RSBN1: variants seen among roughly 807,000 people sequenced by gnomAD.
The protein encoded by RSBN1 is lysine-specific demethylase 9.
Under a neutral mutation model 74.8 loss-of-function variants are expected in RSBN1, and 23 were observed. The ratio of observed to expected loss-of-function variants is 0.31; its 90% CI spans 0.22 to 0.44. The LOEUF (loss-of-function observed/expected upper bound fraction) is 0.44. Ranked by LOEUF, RSBN1 falls within the 20% of genes least tolerant of loss-of-function variation. The pLI is 1.00. For synonymous variants in RSBN1, 407 were observed against 379.6 expected, an observed-to-expected ratio of 1.07 and a Z score of -0.84; for missense variants, 808 against 1,020.9, an observed-to-expected ratio of 0.79 and a Z score of 2.84.
intron 4 of RSBN1, among the ~76,000 whole-genome samples, chr1:113,769,693 C>T (rs888904241): frequency 2.0e-5 from 3 of 152,102 alleles, no homozygotes; most frequent in African/African-American, 7.2e-5. Context: ...GTACCTGAGA[C>T]TAATAAAACT....
At chr1:113,785,387 T>C (rs1660220993) in intron 2 of RSBN1, among the ~76,000 whole-genome samples, 1 of 152,200 alleles carries the variant, frequency 6.6e-6, no homozygotes, top group African/African-American at 2.4e-5. Context: ...AGTAGAAGTA[T>C]GTTCTAAAAT....
chr1:113,780,877 T>C (rs921696616), intron 2 of RSBN1, among the ~76,000 whole-genome samples: 1 of 152,234 alleles, frequency 6.6e-6, no homozygotes, highest in Non-Finnish European at 1.5e-5. Context: ...AAAGCCCTTA[T>C]TAGTAAACCA....
chr1:113,787,319 C>T (rs1282682396), intron 2 of RSBN1, among the ~76,000 whole-genome samples: 1 of 151,976 alleles, frequency 6.6e-6, no homozygotes, highest in African/African-American at 2.4e-5. Context: ...GGCTAAAATC[C>T]CAGATAGTCA....
chr1:113,783,041 C>G (rs1221071419), intron 2 of RSBN1, among the ~76,000 whole-genome samples: 1 of 152,106 alleles, frequency 6.6e-6, no homozygotes, highest in East Asian at 1.9e-4. Context: ...GGCCACAGGG[C>G]AGAAAATACT....
intron 2 of RSBN1, among the ~76,000 whole-genome samples, chr1:113,788,373 T>G (rs1045825936): frequency 6.6e-5 from 10 of 152,166 alleles, no homozygotes; most frequent in Non-Finnish European, 1.3e-4. Flanking sequence ...AGGGTTCAAC[T>G]GCACTGATGA....
chr1:113,807,268 C>T (rs1175219142), intron 1 of RSBN1, among the ~76,000 whole-genome samples: 1 of 147,956 alleles, frequency 6.8e-6, no homozygotes, highest in Non-Finnish European at 1.5e-5. Flanking sequence ...GAGCCAGGAT[C>T]GTGCTACTAC....
At chr1:113,806,994 C>T (rs1660713593) in intron 1 of RSBN1, among the ~76,000 whole-genome samples, 1 of 151,838 alleles carries the variant, frequency 6.6e-6, no homozygotes, top group Non-Finnish European at 1.5e-5. Context: ...GCCTGGGTAA[C>T]TGAGTGAGAC....
chr1:113,776,708 A>G (rs1660036867), intron 4 of RSBN1, among the ~76,000 whole-genome samples: 2 of 151,664 alleles, frequency 1.3e-5, no homozygotes, highest in Admixed American at 1.3e-4. Flanking sequence ...CTATAGCCAC[A>G]GTTACTTGGG....
intron 1 of RSBN1, among the ~76,000 whole-genome samples, chr1:113,799,673 A>T (rs1486174334): frequency 6.6e-6 from 1 of 152,014 alleles, no homozygotes; most frequent in African/African-American, 2.4e-5. Context: ...TGGTGGTAGA[A>T]TTCTAAATGT....
intron 1 of RSBN1, among the ~76,000 whole-genome samples, chr1:113,808,544 G>A (rs1255531364): frequency 6.6e-6 from 1 of 152,138 alleles, no homozygotes; most frequent in Non-Finnish European, 1.5e-5. Context: ...TTTCATAGAA[G>A]CTCTATCTAT....
chr1:113,773,312 G>T (rs2101794889), intron 4 of RSBN1, among the ~76,000 whole-genome samples: 1 of 152,120 alleles, frequency 6.6e-6, no homozygotes, highest in East Asian at 2.0e-4. Flanking sequence ...ATCCCTTGAG[G>T]CCAGGTGTTT....
At position 113,811,758 on chromosome 1, in the gene RSBN1, T is replaced by C; in HGVS notation, c.655A>G (p.Asn219Asp). 6.2e-7 allele frequency: 1 copy of C among 1,613,004 alleles called. No individual in the cohort carries two copies. Among genetic ancestry groups the C allele is most frequent in the Non-Finnish European group, 8.5e-7 (1 of 1,179,548 alleles). Residue 219 changes from asparagine (N) to aspartate (D), a missense_variant, in exon 1 of 7, where the codon AAC (asparagine) becomes GAC (aspartate). Coordinates refer to ENST00000261441, the MANE Select transcript of RSBN1 (RefSeq NM_018364.5). ...TDLKHKDKQENGERTGGVPLI... is the reference protein window; with the variant it reads ...TDLKHKDKQEDGERTGGVPLI... The stretch of plus-strand genomic sequence containing the variant: ...GGCACCCCTCCAGTCCTCTCGCCGT[T>C]TTCCTGCTTGTCCTTGTGCTTGAGA...
Position 113,811,849 on chromosome 1 carries a change from G to A in RSBN1, c.564C>T (p.His188=). The change falls in exon 1 of 7, where the codon CAC becomes CAT. Residue 188 remains histidine, a synonymous_variant. Coordinates refer to ENST00000261441, the MANE Select transcript of RSBN1 (RefSeq NM_018364.5). ...GGTGATGGTGCTTGTGCCGCTCCTTGTGGCCCTTATGCTTGGGCCCGGCCG... is the reference window on the plus strand; with the variant it reads ...GGTGATGGTGCTTGTGCCGCTCCTTATGGCCCTTATGCTTGGGCCCGGCCG... The part of the protein sequence containing the change: ...VSAAGPKHKG[H]KERHKHHHHR... 1.9e-6 allele frequency: 3 copies of A among 1,613,760 alleles called. No individual in the cohort carries two copies. Among genetic ancestry groups the A allele is most frequent in the Non-Finnish European group, 2.5e-6 (3 of 1,179,958 alleles).
chr1:113,800,131 CCTT>C (rs1239266413), intron 1 of RSBN1, among the ~76,000 whole-genome samples: 1 of 152,182 alleles, frequency 6.6e-6, no homozygotes, highest in South Asian at 2.1e-4. Context: ...GGTTACGAAA[CCTT>C]CTAAAGAAAA....
intron 2 of RSBN1, among the ~76,000 whole-genome samples, chr1:113,790,099 AAGCGGGGGAAAGACACG>A (rs1660335734): frequency 6.6e-6 from 1 of 152,222 alleles, no homozygotes; most frequent in Admixed American, 6.5e-5. Flanking sequence ...GAGAAAAAAA[AAGCGGGGGAAAGACACG>A]AAGCAGAAAT....
At position 113,812,194 on chromosome 1, in the gene RSBN1, C is replaced by T; in HGVS notation, c.219G>A (p.Lys73=). The T allele has an allele frequency of 6.2e-7, 1 of 1,608,504 alleles. No homozygotes were observed. Among genetic ancestry groups the T allele is most frequent in the Non-Finnish European group, 8.5e-7 (1 of 1,179,894 alleles). ...GGGAGACCCCAGCATGAGGTTTCTCCTTCCCCTCTTTGTCCGGCTCCTCCT... is the reference window on the plus strand; with the variant it reads ...GGGAGACCCCAGCATGAGGTTTCTCTTTCCCCTCTTTGTCCGGCTCCTCCT... ...AAQEEPDKEG[K]EKPHAGVSPR... is the part of the protein sequence containing the mutation. The change falls in exon 1 of 7, where the codon AAG becomes AAA. Residue 73 remains lysine, a synonymous_variant. Transcript: ENST00000261441.
Position 113,808,745 on chromosome 1 carries a change from A to G in RSBN1, c.703+2965T>C, listed in dbSNP as rs552308595. Among the ~76,000 whole-genome samples the G allele has an allele frequency of 4.6e-5, 7 of 152,328 alleles. No homozygotes were observed. In the East Asian group the frequency reaches 1.3e-3, roughly 29 times the overall value. On this transcript the variant is annotated intron_variant, in intron 1 of 6. Coordinates refer to ENST00000261441, the MANE Select transcript of RSBN1 (RefSeq NM_018364.5). ...CATACTGTATGATTCAACTTATATA[A>G]TAGTCTCAAAATGACAAAACAGGTT...
chr1:113,801,652 A>G (rs1660586132), intron 1 of RSBN1, among the ~76,000 whole-genome samples: 1 of 152,250 alleles, frequency 6.6e-6, no homozygotes, highest in African/African-American at 2.4e-5. Context: ...TGCAAAAGCT[A>G]AAATTTATTG....
At chr1:113,802,728 G>A (rs1037254303) in intron 1 of RSBN1, among the ~76,000 whole-genome samples, 34 of 150,988 alleles carry the variant, frequency 2.3e-4, no homozygotes, top group African/African-American at 8.3e-4. Flanking sequence ...AGCAGTTTCA[G>A]GTTCCTAGAA....
Sources: gnomAD v4.1 joint callset for allele counts (sites outside exome capture counted in the v4.1 genomes callset) on GRCh38, gnomAD v4.1.1 for gene constraint, MANE v1.5 for transcripts, NCBI Gene and HGNC (gene_info 2026-07-23, HGNC 2026-07-21) for gene names.